Variants in CPM observed in about 807,000 individuals in gnomAD.
CPM encodes the protein carboxypeptidase M.
CPM carries 35 observed loss-of-function variants against 46.4 expected under a neutral mutation model. The observed-to-expected ratio is 0.75, with a 90% CI of 0.58 to 1.00. The LOEUF (loss-of-function observed/expected upper bound fraction) is 1.00. CPM is among the 50% of genes least tolerant of loss of function. The probability of loss-of-function intolerance (pLI) is 0.00; values close to 1 mark genes in which losing one functional copy is unlikely to be tolerated. For synonymous variants in CPM, 195 were observed against 195.3 expected (o/e 1.00, Z 0.01); for missense variants, 422 against 530.4 (o/e 0.80, Z 2.01).
intron 2 of CPM, among the ~76,000 whole-genome samples, chr12:68,910,513 GT>G (rs1270621961): frequency 6.6e-6 from 1 of 152,126 alleles, no homozygotes; most frequent in Non-Finnish European, 1.5e-5. Context: ...CATTGACTGG[GT>G]TTGGCATAAT....
chr12:68,866,924 TA>T lies in CPM; in HGVS notation c.911del (p.Leu304Ter). On this transcript the variant is annotated frameshift_variant, in exon 7 of 9. Coordinates refer to ENST00000551568, the MANE Select transcript of CPM (RefSeq NM_198320.5). LOFTEE classifies it high-confidence loss of function. Reference sequence around the variant, plus strand: ...GGTGCACCTGCTTTATATATTCAATTAATGAGGCTTTGTTATTATTCCAAAA... The same window carrying T: ...GGTGCACCTGCTTTATATATTCAATTATGAGGCTTTGTTATTATTCCAAAA... ...PSFWNNNKASLIEYIKQVHLG... is the reference protein window; with the variant it reads ...PSFWNNNKASXIEYIKQVHLG... 6.2e-7 allele frequency: 1 copy of T among 1,613,932 alleles called. No homozygotes were observed. The highest frequency in any genetic ancestry group is 8.5e-7 in the Non-Finnish European group (1 of 1,179,966).
chr12:68,921,595 T>C (rs945879970), intron 2 of CPM, among the ~76,000 whole-genome samples: 3 of 152,182 alleles, frequency 2.0e-5, no homozygotes, highest in African/African-American at 4.8e-5. Context: ...ATAATTCAAC[T>C]GTGTCCTTTA....
At chr12:68,928,215 C>T (rs1388057076) in intron 2 of CPM, among the ~76,000 whole-genome samples, 6 of 152,106 alleles carry the variant, frequency 3.9e-5, no homozygotes, top group South Asian at 2.1e-4. Context: ...GAAATAACGC[C>T]GCATATCTAC....
In CPM at chr12:68,880,649, T is replaced by G. The variant is rs556263007; in HGVS notation, c.258+5143A>C. Among the ~76,000 whole-genome samples, 8 of 152,218 alleles carry G rather than the reference T, an allele frequency of 5.3e-5. No individual in the cohort carries two copies. The East Asian group carries it at 1.5e-3, about 29-fold the overall frequency. On this transcript the variant is annotated intron_variant, in intron 3 of 8. Transcript: ENST00000551568. ...AGTGGATCCACAGCTGGGCAAAGCTTGGTGTTCAGGCTCCGGGTTCCCACA... is the reference window on the plus strand; with the variant it reads ...AGTGGATCCACAGCTGGGCAAAGCTGGGTGTTCAGGCTCCGGGTTCCCACA...
chr12:68,918,584 C>T (rs763030021), intron 2 of CPM, among the ~76,000 whole-genome samples: 10 of 152,004 alleles, frequency 6.6e-5, no homozygotes, highest in East Asian at 1.9e-4. Flanking sequence ...TCTGCTCACA[C>T]GCCTTCCTCC....
chr12:68,935,243 ATTGT>A (rs67250545), upstream of CPM, among the ~76,000 whole-genome samples: 549 of 148,036 alleles, frequency 3.7e-3, 5 homozygotes, highest in East Asian at 8.3e-3. Flanking sequence ...AAGTTGTTTT[ATTGT>A]TTGTTTGTTT....
chr12:68,844,306 AT>A (rs754855736), intron 5 of CPM: 22 of 222,148 alleles, frequency 9.9e-5, no homozygotes, highest in Non-Finnish European at 2.0e-4. Flanking sequence ...TGGAATGGCC[AT>A]GCCTGCCCAC....
intron 2 of CPM, among the ~76,000 whole-genome samples, chr12:68,903,822 G>A (rs892441479): frequency 2.0e-5 from 3 of 151,706 alleles, no homozygotes; most frequent in Admixed American, 6.6e-5. Flanking sequence ...CCCTCTGTCC[G>A]TCCCGCCGTC....
rs547202151 is a variant in CPM, at chr12:68,916,957, T to G, written c.160+15721A>C. 2.0e-5 allele frequency among the ~76,000 whole-genome samples: 3 copies of G among 150,324 alleles called. No homozygotes were observed. In the East Asian group the frequency reaches 5.8e-4, roughly 29 times the overall value. ...TGCAATGCAAAACTAACTGTAAAATTATCAGAAATTTTTCAATCAAGAAAA... is the reference window on the plus strand; with the variant it reads ...TGCAATGCAAAACTAACTGTAAAATGATCAGAAATTTTTCAATCAAGAAAA... On this transcript the variant is annotated intron_variant, in intron 2 of 8. Transcript: ENST00000551568.
intron 2 of CPM, among the ~76,000 whole-genome samples, chr12:68,898,639 C>T (rs1180088356): frequency 2.6e-5 from 4 of 152,206 alleles, no homozygotes; most frequent in African/African-American, 9.7e-5. Flanking sequence ...TTGAGCAGCA[C>T]GTCACCTGCC....
chr12:68,860,192 A>T (rs1487171671), intron 7 of CPM, among the ~76,000 whole-genome samples: 1 of 151,854 alleles, frequency 6.6e-6, no homozygotes, highest in Non-Finnish European at 1.5e-5. Context: ...TTAGTTCCTG[A>T]CTCTTCATTT....
intron 2 of CPM, among the ~76,000 whole-genome samples, chr12:68,931,493 C>T (rs1254777044): frequency 1.3e-5 from 2 of 151,768 alleles, no homozygotes; most frequent in Admixed American, 6.6e-5. Flanking sequence ...ACCTGTAATC[C>T]TAGCACTTTG....
At chr12:68,955,822 CTT>C (rs1162140995) in intron 1 of CPM, among the ~76,000 whole-genome samples, 2 of 152,090 alleles carry the variant, frequency 1.3e-5, no homozygotes, top group Non-Finnish European at 2.9e-5. Flanking sequence ...TTTATACAGG[CTT>C]TAGAGGGGAG....
At chr12:68,844,532 C>T (rs918424118) in intron 5 of CPM, 2 of 228,574 alleles carry the variant, frequency 8.7e-6, no homozygotes, top group Non-Finnish European at 1.7e-5. Context: ...AGCCACCGTA[C>T]CACTTGTCAG....
intron 1 of CPM, among the ~76,000 whole-genome samples, chr12:68,959,656 G>A (rs749466026): frequency 5.9e-5 from 9 of 152,254 alleles, no homozygotes; most frequent in Non-Finnish European, 1.2e-4. Context: ...GTTTTCCCAC[G>A]AGAGGCCAAA....
At chr12:68,918,612 T>TCCAATCCAATCC (rs1565796894) in intron 2 of CPM, among the ~76,000 whole-genome samples, 2 of 151,582 alleles carry the variant, frequency 1.3e-5, no homozygotes, top group African/African-American at 4.9e-5. Context: ...CAATCCAATC[T>TCCAATCCAATCC]AATCCAATCC....
At chr12:68,918,513 T>C (rs1439645394) in intron 2 of CPM, among the ~76,000 whole-genome samples, 1 of 152,162 alleles carries the variant, frequency 6.6e-6, no homozygotes, top group African/African-American at 2.4e-5. Context: ...CCATCTAACA[T>C]AAGAACACTT....
chr12:68,889,561 G>A (rs1328773774), intron 2 of CPM, among the ~76,000 whole-genome samples: 1 of 152,164 alleles, frequency 6.6e-6, no homozygotes, highest in East Asian at 1.9e-4. Flanking sequence ...AGGTGTGGTG[G>A]CTCATGCCTG....
At chr12:68,947,816 A>ATTT (rs1888872458) in intron 1 of CPM, among the ~76,000 whole-genome samples, 4 of 151,648 alleles carry the variant, frequency 2.6e-5, no homozygotes, top group African/African-American at 9.7e-5. Context: ...AGCTTTTTTA[A>ATTT]AATTTTTTTT....
Sources: gnomAD v4.1 joint callset for allele counts (sites outside exome capture counted in the v4.1 genomes callset) on GRCh38, gnomAD v4.1.1 for gene constraint, MANE v1.5 for transcripts, NCBI Gene and HGNC (gene_info 2026-07-23, HGNC 2026-07-21) for gene names.